The following DNAH11 variants were observed in gnomAD, a reference collection of about 807,000 sequenced individuals.
DNAH11 encodes axonemal beta dynein heavy chain 11.
In DNAH11, 442 loss-of-function variants were observed where a neutral mutation model predicts 526.0. The observed-to-expected ratio is 0.84, with a 90% CI of 0.78 to 0.91. The LOEUF (loss-of-function observed/expected upper bound fraction) is 0.91. DNAH11 is among the 40% of genes least tolerant of loss of function. The probability of loss-of-function intolerance (pLI) is 0.00; values close to 1 mark genes in which losing one functional copy is unlikely to be tolerated. For missense variants in DNAH11, 6,989 were observed against 5,448.7 expected, an observed-to-expected ratio of 1.28 and a Z score of -8.90; for synonymous variants, 2,461 against 1,935.9, an observed-to-expected ratio of 1.27 and a Z score of -7.12.
At chr7:21,559,827 T>G in intron 4 of DNAH11, 35 bp downstream of exon 4, 1 of 1,522,102 alleles carries the variant, frequency 6.6e-7, no homozygotes, top group African/African-American at 1.4e-5. Flanking sequence ...TAAATTAAAT[T>G]AGCAAAGTGT....
In DNAH11 at chr7:21,645,151, A is replaced by C. The variant is rs572280204; in HGVS notation, c.4944+6086A>C. ...ATGAGTTCCAAAAATTAAATGTTAC[A>C]AATGTGGGGTCCTGCCAGCGAGGAG... On this transcript the variant is annotated intron_variant, in intron 28 of 81. Coordinates refer to ENST00000409508, the MANE Select transcript of DNAH11 (RefSeq NM_001277115.2). Among the ~76,000 whole-genome samples the C allele has an allele frequency of 6.5e-4, 99 of 152,290 alleles. No homozygotes were observed. The East Asian group carries it at 0.016, about 25-fold the overall frequency.
At chr7:21,585,059 A>G in intron 9 of DNAH11, among the ~76,000 whole-genome samples, 1 of 152,080 alleles carries the variant, frequency 6.6e-6, no homozygotes, top group Non-Finnish European at 1.5e-5. Flanking sequence ...CTGTCAGTTA[A>G]TGTTTTTTCT....
intron 54 of DNAH11, among the ~76,000 whole-genome samples, chr7:21,752,475 T>G (rs1786455013): frequency 6.6e-6 from 1 of 152,230 alleles, no homozygotes; most frequent in African/African-American, 2.4e-5. Context: ...AAGAGTTCTA[T>G]GTATTTAGGC....
Position 21,589,233 on chromosome 7 carries a change from T to G in DNAH11, c.1999T>G (p.Leu667Val). ...YLFLGNPDHA[L>V]VYQKYVEMTT... ...ATTTTTGGGCAATCCTGATCACGCT[T>G]TAGTTTATCAAAAGTATGTTGAAAT... Residue 667 changes from leucine to valine, a missense_variant, in exon 12 of 82, where the codon TTA becomes GTA. By Grantham distance (32) the Leu-to-Val change is conservative (BLOSUM62 1). Coordinates refer to ENST00000409508, the MANE Select transcript of DNAH11 (RefSeq NM_001277115.2). The G allele has an allele frequency of 6.2e-7, 1 of 1,609,508 alleles. No homozygotes were observed. The highest frequency in any genetic ancestry group is 8.5e-7 in the Non-Finnish European group (1 of 1,178,716).
intron 36 of DNAH11, among the ~76,000 whole-genome samples, chr7:21,702,286 C>T (rs1164758580): frequency 1.3e-5 from 2 of 152,024 alleles, no homozygotes; most frequent in Non-Finnish European, 2.9e-5. Flanking sequence ...GTAATTGGGG[C>T]CATTAGGGAT....
intron 43 of DNAH11, among the ~76,000 whole-genome samples, chr7:21,718,307 A>G (rs777120058): frequency 2.0e-5 from 3 of 152,154 alleles, no homozygotes; most frequent in African/African-American, 4.8e-5. Flanking sequence ...CAAAGTTGCA[A>G]TAGCTTTATT....
intron 58 of DNAH11, among the ~76,000 whole-genome samples, chr7:21,786,368 T>C (rs191989261): frequency 9.6e-4 from 146 of 152,058 alleles, no homozygotes; most frequent in African/African-American, 3.4e-3. Flanking sequence ...AGGACTGATA[T>C]ATAGATATAT....
intron 2 of DNAH11, among the ~76,000 whole-genome samples, chr7:21,549,426 C>A (rs189982344): frequency 7.9e-5 from 12 of 152,036 alleles, no homozygotes; most frequent in South Asian, 2.1e-4. Context: ...TATTTTTACC[C>A]TTTTACGGTC....
intron 44 of DNAH11, among the ~76,000 whole-genome samples, chr7:21,724,939 A>G (rs78333867): frequency 2.6e-5 from 4 of 151,608 alleles, no homozygotes; most frequent in Admixed American, 2.6e-4. Context: ...TCCTGTGGAC[A>G]TGGGCATCAC....
Position 21,749,824 on chromosome 7 carries a change from T to C in DNAH11, c.8797+23T>C, listed in dbSNP as rs4355679. On this transcript the variant is annotated intron_variant, in intron 53 of 81. Transcript: ENST00000409508. The stretch of plus-strand genomic sequence containing the variant: ...CAGGTGATTAAACCAACACATTTCT[T>C]GAAAGATCTTCCCCAATGACAAATT... 0.64 allele frequency: 1,025,208 copies of C among 1,611,320 alleles called. 336,383 individuals carry two copies. The highest frequency in any genetic ancestry group is 0.68 in the Non-Finnish European group (800,338 of 1,178,506).
intron 66 of DNAH11, among the ~76,000 whole-genome samples, chr7:21,847,427 G>C (rs12333651): frequency 0.011 from 1,613 of 152,170 alleles, 26 homozygotes; most frequent in African/African-American, 0.037. Flanking sequence ...TTTTTCTTGA[G>C]ACTTCTTCTT....
chr7:21,880,700 A>G lies in DNAH11; in HGVS notation c.12196-2A>G, dbSNP rs1554291973. 6.2e-7 allele frequency: 1 copy of G among 1,613,228 alleles called. No individual in the cohort carries two copies. Among genetic ancestry groups the G allele is most frequent in the Non-Finnish European group, 8.5e-7 (1 of 1,179,738 alleles). ...TCAAGCATTTCTTCTCTTTTTTCCCAGGATACACTTGAAATATGCTCCAAG... is the reference window on the plus strand; with the variant it reads ...TCAAGCATTTCTTCTCTTTTTTCCCGGGATACACTTGAAATATGCTCCAAG... On this transcript the variant is annotated splice_acceptor_variant, in intron 74 of 81. Transcript: ENST00000409508. LOFTEE classifies it high-confidence loss of function.
chr7:21,881,496 C>G (rs1369385944), intron 75 of DNAH11, among the ~76,000 whole-genome samples: 1 of 152,158 alleles, frequency 6.6e-6, no homozygotes, highest in Non-Finnish European at 1.5e-5. Context: ...TCATCAAGAA[C>G]ATTTGTGTAA....
chr7:21,765,814 GCA>G (rs1436317790), intron 55 of DNAH11, among the ~76,000 whole-genome samples: 2 of 152,180 alleles, frequency 1.3e-5, no homozygotes, highest in Non-Finnish European at 2.9e-5. Context: ...AGGAGGATGT[GCA>G]CACGTGCGTG....
At chr7:21,603,636 C>T (rs542561270) in intron 18 of DNAH11, among the ~76,000 whole-genome samples, 2 of 152,230 alleles carry the variant, frequency 1.3e-5, no homozygotes, top group South Asian at 4.2e-4. Context: ...TAAAACTGCC[C>T]TTAGAGCTTG....
At chr7:21,777,539 G>A (rs776234138) in intron 56 of DNAH11, among the ~76,000 whole-genome samples, 8 of 152,150 alleles carry the variant, frequency 5.3e-5, no homozygotes, top group Non-Finnish European at 8.8e-5. Context: ...TACCAGCAGT[G>A]TATGAGAGAG....
chr7:21,899,597 G>A lies in DNAH11; in HGVS notation c.13162+149G>A, dbSNP rs183790436. ...ATAGAAAGGACCAGCAGCTATAGAG[G>A]AAACAGAGTCCTGGGCAGGCGAGTA... On this transcript the variant is annotated intron_variant, in intron 80 of 81. Transcript: ENST00000409508. 2,027 of 699,170 alleles carry A rather than the reference G, an allele frequency of 2.9e-3. 1 individual carries two copies. Among genetic ancestry groups the A allele is most frequent in the Non-Finnish European group, 3.9e-3 (1,615 of 419,154 alleles). 43.3% of individuals were successfully genotyped at this position (699,170 alleles called of 1,614,324 possible). A position where few individuals can be genotyped will look rare whatever the true frequency, so the allele number is the denominator to read the frequency against.
chr7:21,899,329 A>C lies in DNAH11; in HGVS notation c.13050-7A>C. ...GCAAGTTTTTCTTCCTCCCTCCCAT[A>C]AACCAGGTTCAATGACCTCCTCCTG... is the stretch of plus-strand genomic sequence containing the variant. On this transcript the variant is annotated splice_polypyrimidine_tract_variant and splice_region_variant and intron_variant, in intron 79 of 81. Transcript: ENST00000409508. 1 of 1,612,470 alleles carries C rather than the reference A, an allele frequency of 6.2e-7. No individual in the cohort carries two copies. Among genetic ancestry groups the C allele is most frequent in the Non-Finnish European group, 8.5e-7 (1 of 1,178,512 alleles).
chr7:21,842,638 T>G lies in DNAH11; in HGVS notation c.10786T>G (p.Leu3596Val). The change falls in exon 66 of 82, where the codon TTA becomes GTA. Residue 3596 changes from leucine (L) to valine (V), a missense_variant. Physicochemically the swap from Leu to Val is conservative, Grantham distance 32. Coordinates refer to ENST00000409508, the MANE Select transcript of DNAH11 (RefSeq NM_001277115.2). ...KLANPHYKPE[L>V]QAQTTLLNFT... Reference sequence around the variant, plus strand: ...GGCAAATCCTCACTATAAGCCGGAATTACAAGCTCAGACAACTCTCCTCAA... The same window carrying G: ...GGCAAATCCTCACTATAAGCCGGAAGTACAAGCTCAGACAACTCTCCTCAA... The G allele has an allele frequency of 6.2e-7, 1 of 1,613,986 alleles. No individual in the cohort carries two copies. Among genetic ancestry groups the G allele is most frequent in the Non-Finnish European group, 8.5e-7 (1 of 1,179,880 alleles).
Sources: allele counts gnomAD v4.1 joint callset (sites outside exome capture counted in the v4.1 genomes callset), GRCh38; gene constraint gnomAD v4.1.1; transcripts MANE v1.5; gene names NCBI Gene and HGNC (gene_info 2026-07-23, HGNC 2026-07-21).